Variants in KDM5B observed in about 807,000 individuals in gnomAD.
The protein encoded by KDM5B is lysine-specific demethylase 5B.
KDM5B carries 144 observed loss-of-function variants against 193.4 expected under a neutral mutation model. That is an observed-to-expected ratio of 0.74 (90% CI 0.65 to 0.86). KDM5B has a LOEUF of 0.86. KDM5B is among the 40% of genes least tolerant of loss of function. The probability of loss-of-function intolerance (pLI) is 0.00; values close to 1 mark genes in which losing one functional copy is unlikely to be tolerated. For missense variants in KDM5B, 1,833 were observed against 1,886.9 expected, an observed-to-expected ratio of 0.97 and a Z score of 0.53; for synonymous variants, 668 against 682.6, an observed-to-expected ratio of 0.98 and a Z score of 0.33.
rs532473761 is a variant in KDM5B, at chr1:202,734,879, C to T, written c.3423+550G>A. On this transcript the variant is annotated intron_variant, in intron 22 of 26. Coordinates refer to ENST00000367265, the MANE Select transcript of KDM5B (RefSeq NM_006618.5). ...GCAGGTATACATTCCCACTCTAGAA[C>T]GGGCAATGCTTTGTGCCATTAAAAG... 7.2e-5 allele frequency among the ~76,000 whole-genome samples: 11 copies of T among 152,324 alleles called. No homozygotes were observed. In the South Asian group the frequency reaches 1.7e-3, roughly 23 times the overall value.
At chr1:202,805,971 T>G (rs1658275775) in intron 1 of KDM5B, among the ~76,000 whole-genome samples, 1 of 152,214 alleles carries the variant, frequency 6.6e-6, no homozygotes, top group African/African-American at 2.4e-5. Context: ...GGTGCCTCTT[T>G]AACCCCTTTC....
rs185586652 is a variant in KDM5B, at chr1:202,774,631, G to A, written c.387C>T (p.Asp129=). 1.9e-4 allele frequency: 310 copies of A among 1,612,030 alleles called. 3 individuals are homozygous for A. The East Asian group carries it at 6.6e-3, about 34-fold the overall frequency. Residue 129 remains aspartate (D), a synonymous_variant, in exon 3 of 27, where the codon GAC becomes GAT. Transcript: ENST00000367265. The part of the protein sequence containing the change: ...KIPHVERKIL[D]LFQLNKLVAE... ...TCTTTACCTTATTAAGCTGAAATAAGTCCAAGATCTTCCTCTCCACATGTG... is the reference window on the plus strand; with the variant it reads ...TCTTTACCTTATTAAGCTGAAATAAATCCAAGATCTTCCTCTCCACATGTG...
rs536339877 is a variant in KDM5B, at chr1:202,729,070, C to A, written c.4601G>T (p.Arg1534Leu). 1.9e-6 allele frequency: 3 copies of A among 1,614,030 alleles called. No individual in the cohort carries two copies. Among genetic ancestry groups the A allele is most frequent in the Non-Finnish European group, 2.5e-6 (3 of 1,179,986 alleles). ...GCTTGGTGCGTCCTTCACAGTACAGCGCACACAGATGTAGTCTTCTTTCTC... is the reference window on the plus strand; with the variant it reads ...GCTTGGTGCGTCCTTCACAGTACAGAGCACACAGATGTAGTCTTCTTTCTC... ...MAEKEDYICV[R>L]CTVKDAPSRK The change falls in exon 27 of 27, where the codon CGC becomes CTC. Residue 1534 changes from arginine to leucine, a missense_variant. Physicochemically the swap from Arg to Leu is moderately radical, Grantham distance 102 (BLOSUM62 -2). Around this residue, in one of 3 missense-constraint regions of KDM5B, gnomAD observed 1,379 missense variants for 1,349.6 expected, o/e 1.02. Transcript: ENST00000367265.
intron 1 of KDM5B, among the ~76,000 whole-genome samples, chr1:202,805,618 TTATA>T (rs1167085677): frequency 6.6e-6 from 1 of 152,180 alleles, no homozygotes; most frequent in Non-Finnish European, 1.5e-5. Flanking sequence ...AATACAGACA[TTATA>T]TATATCACCA....
chr1:202,789,056 T>C (rs1657528313), intron 1 of KDM5B, among the ~76,000 whole-genome samples: 1 of 152,076 alleles, frequency 6.6e-6, no homozygotes, highest in Admixed American at 6.6e-5. Context: ...ACCCTAACTT[T>C]AAGGCCTCAT....
intron 1 of KDM5B, among the ~76,000 whole-genome samples, chr1:202,802,485 T>C (rs992050840): frequency 2.0e-5 from 3 of 152,088 alleles, no homozygotes; most frequent in Admixed American, 2.0e-4. Context: ...CTCTGCCTCC[T>C]GGGTTCAAGC....
chr1:202,742,816 AG>A lies in KDM5B; in HGVS notation c.2324-12del. 2 of 1,609,584 alleles carry A rather than the reference AG, an allele frequency of 1.2e-6. No individual in the cohort carries two copies. Among genetic ancestry groups the A allele is most frequent in the East Asian group, 2.2e-5 (1 of 44,862 alleles). Reference sequence around the variant, plus strand: ...TGAAGCTGACAAGGCCTAGGAATGAAGAAAAAAGTCATATTTTCTGTAATCA... The same window carrying A: ...TGAAGCTGACAAGGCCTAGGAATGAAAAAAAAGTCATATTTTCTGTAATCA... On this transcript the variant is annotated splice_polypyrimidine_tract_variant and intron_variant, in intron 16 of 26. Transcript: ENST00000367265.
At position 202,740,695 on chromosome 1, in the gene KDM5B, A is replaced by G. The variant is rs1655300748; in HGVS notation, c.3063T>C (p.Leu1021=). The G allele has an allele frequency of 6.2e-7, 1 of 1,612,358 alleles. No individual in the cohort carries two copies. The highest frequency in any genetic ancestry group is 8.5e-7 in the Non-Finnish European group (1 of 1,179,666). ...CAACCTGCAGGCCCTCTACATCCTG[A>G]AGCCAGTCTCTGGCTCTCTGCACTG... is the stretch of plus-strand genomic sequence containing the variant. The part of the protein sequence containing the change: ...KDSVQRARDW[L]QDVEGLQAGG... Residue 1021 remains leucine, a synonymous_variant, in exon 20 of 27, where the codon CTT becomes CTC. Transcript: ENST00000367265.
intron 4 of KDM5B, among the ~76,000 whole-genome samples, chr1:202,769,303 T>G (rs1445761727): frequency 2.0e-5 from 3 of 151,268 alleles, no homozygotes; most frequent in Non-Finnish European, 4.4e-5. Context: ...CCCAAAGTGC[T>G]GGGATTACAG....
chr1:202,808,092 C>G lies in KDM5B; in HGVS notation c.204+10G>C, dbSNP rs201920245. 1.4e-4 allele frequency: 218 copies of G among 1,609,598 alleles called. No individual in the cohort carries two copies. Among genetic ancestry groups the G allele is most frequent in the Non-Finnish European group, 1.7e-5 (20 of 1,178,388 alleles). The stretch of plus-strand genomic sequence containing the variant: ...CCACGAGCTGGATCCGGGGTGCTGG[C>G]GTGACTCACCGGCGGCGGCCGCACC... On this transcript the variant is annotated intron_variant, in intron 1 of 26. Transcript: ENST00000367265.
intron 7 of KDM5B, among the ~76,000 whole-genome samples, chr1:202,761,028 GAA>G (rs796703688): frequency 6.8e-6 from 1 of 147,816 alleles, no homozygotes; most frequent in African/African-American, 2.6e-5. Context: ...TGTCTCAGGA[GAA>G]AAAAAAAAAA....
chr1:202,780,062 A>G (rs1558509996), intron 1 of KDM5B, among the ~76,000 whole-genome samples: 1 of 152,296 alleles, frequency 6.6e-6, no homozygotes. Flanking sequence ...AAAATGGCCA[A>G]TCATAAGACT....
chr1:202,770,196 C>T (rs571014138), intron 4 of KDM5B, among the ~76,000 whole-genome samples: 14 of 152,212 alleles, frequency 9.2e-5, no homozygotes, highest in African/African-American at 2.4e-4. Flanking sequence ...AACATACAGA[C>T]GCTAATTTTA....
rs375395275 is a variant in KDM5B at position 202,729,967 on chromosome 1, G to T, written c.4237C>A (p.Arg1413Ser). 6.2e-7 allele frequency: 1 copy of T among 1,613,782 alleles called. No homozygotes were observed. Among genetic ancestry groups the T allele is most frequent in the South Asian group, 1.1e-5 (1 of 91,052 alleles). The part of the protein sequence containing the change: ...INSLERKLKR[R>S]LEREGLSSER... Reference sequence around the variant, plus strand: ...CTGGAGAGGCCCTCTCTTTCCAGGCGTCTCTTCAGTTTTCTCTCAAGACTG... The same window carrying T: ...CTGGAGAGGCCCTCTCTTTCCAGGCTTCTCTTCAGTTTTCTCTCAAGACTG... The change falls in exon 26 of 27, where the codon CGC becomes AGC. Residue 1413 changes from arginine (R) to serine (S), a missense_variant. Around this residue, in one of 3 missense-constraint regions of KDM5B, gnomAD observed 1,379 missense variants for 1,349.6 expected, o/e 1.02. Coordinates refer to ENST00000367265, the MANE Select transcript of KDM5B (RefSeq NM_006618.5).
chr1:202,729,374 G>T (rs554531741), intron 26 of KDM5B: 1 of 641,422 alleles, frequency 1.6e-6, no homozygotes, highest in African/African-American at 1.8e-5. Context: ...TCTTCAAGTC[G>T]TGTCTGCTTT....
intron 1 of KDM5B, among the ~76,000 whole-genome samples, chr1:202,778,873 C>T (rs949930923): frequency 5.9e-5 from 9 of 152,102 alleles, no homozygotes; most frequent in Non-Finnish European, 1.3e-4. Context: ...CCGCCTGCCT[C>T]GGCCTCCCAA....
At chr1:202,796,237 A>C in intron 1 of KDM5B, 1 of 367,194 alleles carries the variant, frequency 2.7e-6, no homozygotes, top group Non-Finnish European at 5.4e-6. Flanking sequence ...CCTCTCTCCA[A>C]TCCTGTACTA....
chr1:202,776,375 A>G (rs939197981), intron 2 of KDM5B, among the ~76,000 whole-genome samples: 1 of 152,150 alleles, frequency 6.6e-6, no homozygotes, highest in East Asian at 1.9e-4. Context: ...TGTAAGCACA[A>G]TTCCATATAA....
rs150206295 is a variant in KDM5B at position 202,732,938 on chromosome 1, C to T, written c.3909+463G>A. Among the ~76,000 whole-genome samples the T allele has an allele frequency of 2.7e-3, 409 of 152,300 alleles. 9 individuals are homozygous for T. Among genetic ancestry groups the T allele is most frequent in the Non-Finnish European group, 4.7e-4 (32 of 68,018 alleles). On this transcript the variant is annotated intron_variant, in intron 23 of 26. Coordinates refer to ENST00000367265, the MANE Select transcript of KDM5B (RefSeq NM_006618.5). The stretch of plus-strand genomic sequence containing the variant: ...ACCCAGGAGCTTTCCTCTGAAATAA[C>T]ACAGTGCTCAAACACTTCTTCCAAA...
Sources: allele counts gnomAD v4.1 joint callset (sites outside exome capture counted in the v4.1 genomes callset), GRCh38; gene constraint gnomAD v4.1.1; regional missense constraint gnomAD v4.1.1; transcripts MANE v1.5; gene names NCBI Gene and HGNC (gene_info 2026-07-23, HGNC 2026-07-21).